DOK6: variants seen among roughly 807,000 people sequenced by gnomAD.
DOK6 encodes the protein docking protein 6, also known as downstream of tyrosine kinase 6.
A neutral mutation model predicts 44.0 loss-of-function variants in DOK6; 22 were observed. That is an observed-to-expected ratio of 0.50 (90% CI 0.36 to 0.71). DOK6 has a LOEUF of 0.71. Ranked by LOEUF, DOK6 falls within the 30% of genes least tolerant of loss-of-function variation. The probability of loss-of-function intolerance (pLI) is 0.00; values close to 1 mark genes in which losing one functional copy is unlikely to be tolerated. For missense variants in DOK6, 340 were observed against 416.4 expected, an observed-to-expected ratio of 0.82 and a Z score of 1.60; for synonymous variants, 166 against 145.5, an observed-to-expected ratio of 1.14 and a Z score of -1.01.
intron 1 of DOK6, among the ~76,000 whole-genome samples, chr18:69,463,328 A>G (rs1046428598): frequency 2.6e-5 from 4 of 151,656 alleles, no homozygotes; most frequent in African/African-American, 9.7e-5. Flanking sequence ...CAATCTTGGG[A>G]GAACACCAAA....
chr18:69,812,662 C>T (rs1249747889), intron 7 of DOK6, among the ~76,000 whole-genome samples: 2 of 152,118 alleles, frequency 1.3e-5, no homozygotes, highest in South Asian at 2.1e-4. Flanking sequence ...TTCATTCTCA[C>T]ACTGCTAAAA....
intron 1 of DOK6, among the ~76,000 whole-genome samples, chr18:69,549,013 T>G (rs1266697720): frequency 6.7e-6 from 1 of 149,250 alleles, no homozygotes; most frequent in Non-Finnish European, 1.5e-5. Flanking sequence ...GAGAATGGCG[T>G]GAACCCCGGG....
chr18:69,678,188 G>T (rs1029850137), intron 4 of DOK6, among the ~76,000 whole-genome samples: 38 of 152,208 alleles, frequency 2.5e-4, no homozygotes, highest in African/African-American at 8.9e-4. Context: ...GGCAGAGGTT[G>T]CAATGAGCCA....
intron 1 of DOK6, among the ~76,000 whole-genome samples, chr18:69,409,059 T>C (rs772730504): frequency 4.6e-5 from 7 of 152,076 alleles, no homozygotes; most frequent in Non-Finnish European, 8.8e-5. Flanking sequence ...GGGAGGTAAC[T>C]GAATCATGGG....
intron 2 of DOK6, among the ~76,000 whole-genome samples, chr18:69,570,569 AATTTACAG>A (rs1983090646): frequency 6.6e-6 from 1 of 152,190 alleles, no homozygotes; most frequent in Non-Finnish European, 1.5e-5. Context: ...GAAAGACATG[AATTTACAG>A]ATTTAATAAA....
At chr18:69,779,432 C>A (rs1455966000) in intron 7 of DOK6, among the ~76,000 whole-genome samples, 2 of 143,812 alleles carry the variant, frequency 1.4e-5, no homozygotes, top group East Asian at 4.2e-4. Flanking sequence ...CCCTACACAG[C>A]TTTATGGCAC....
At chr18:69,526,000 G>A (rs1219041638) in intron 1 of DOK6, among the ~76,000 whole-genome samples, 1 of 151,998 alleles carries the variant, frequency 6.6e-6, no homozygotes, top group Non-Finnish European at 1.5e-5. Flanking sequence ...AAGCCAGTAT[G>A]TATATAAATA....
At chr18:69,554,061 A>G (rs1568294872) in intron 1 of DOK6, among the ~76,000 whole-genome samples, 1 of 152,192 alleles carries the variant, frequency 6.6e-6, no homozygotes, top group Non-Finnish European at 1.5e-5. Flanking sequence ...AAAACCAAAA[A>G]TGGGTCGCAT....
At position 69,417,757 on chromosome 18, in the gene DOK6, T is replaced by G. The variant is rs556644602; in HGVS notation, c.66+16447T>G. ...TCTTCTTAATAGTAGCCATTCTAATTGGGGTGAGATAATATCTCATTGTGG... is the reference window on the plus strand; with the variant it reads ...TCTTCTTAATAGTAGCCATTCTAATGGGGGTGAGATAATATCTCATTGTGG... On this transcript the variant is annotated intron_variant, in intron 1 of 7. Coordinates refer to ENST00000382713, the MANE Select transcript of DOK6 (RefSeq NM_152721.6). Among the ~76,000 whole-genome samples, 542 of 152,286 alleles carry G rather than the reference T, an allele frequency of 3.6e-3. 3 individuals are homozygous for G. Among genetic ancestry groups the G allele is most frequent in the Non-Finnish European group, 6.1e-3 (416 of 68,008 alleles).
chr18:69,837,225 G>C (rs1175662920), intron 7 of DOK6, among the ~76,000 whole-genome samples: 1 of 152,106 alleles, frequency 6.6e-6, no homozygotes, highest in Non-Finnish European at 1.5e-5. Flanking sequence ...CTGGAGACCG[G>C]GAAGTCCAAT....
chr18:69,610,645 T>G (rs1041879659), intron 3 of DOK6, among the ~76,000 whole-genome samples: 2 of 152,110 alleles, frequency 1.3e-5, no homozygotes, highest in African/African-American at 4.8e-5. Flanking sequence ...ACTGCATCTG[T>G]GGAGTCAACC....
chr18:69,429,699 C>T (rs1268444669), intron 1 of DOK6, among the ~76,000 whole-genome samples: 4 of 137,318 alleles, frequency 2.9e-5, no homozygotes, highest in Admixed American at 7.7e-5. Flanking sequence ...CCTTTTCTTC[C>T]GTACCACCTC....
At chr18:69,514,843 T>A (rs2364207) in intron 1 of DOK6, among the ~76,000 whole-genome samples, 1,105 of 91,142 alleles carry the variant, frequency 0.012, 8 homozygotes, top group African/African-American at 0.033. Context: ...ATATATATTT[T>A]TTTTTTTTGA....
At chr18:69,502,336 C>G (rs1981071039) in intron 1 of DOK6, among the ~76,000 whole-genome samples, 1 of 151,856 alleles carries the variant, frequency 6.6e-6, no homozygotes, top group Non-Finnish European at 1.5e-5. Flanking sequence ...GAGGGTAATT[C>G]AAGAAAATAC....
chr18:69,659,962 T>TATATATATAACATATATGTATGTTTTA (rs1985480356), intron 3 of DOK6: 1 of 66,838 alleles, frequency 1.5e-5, no homozygotes, highest in African/African-American at 4.3e-5. Flanking sequence ...TATGTATGTT[T>TATATATATAACATATATGTATGTTTTA]TATATATATA....
chr18:69,577,340 G>A (rs1983262856), intron 2 of DOK6, among the ~76,000 whole-genome samples: 1 of 152,098 alleles, frequency 6.6e-6, no homozygotes, highest in Non-Finnish European at 1.5e-5. Flanking sequence ...GCTGTTAAAG[G>A]GCTTGGTGTC....
chr18:69,569,302 G>T (rs1983059584), intron 2 of DOK6, among the ~76,000 whole-genome samples: 1 of 152,174 alleles, frequency 6.6e-6, no homozygotes, highest in South Asian at 2.1e-4. Context: ...TTATGAAGTG[G>T]CAAATTGAAA....
chr18:69,579,720 C>G (rs572970687), intron 2 of DOK6, among the ~76,000 whole-genome samples: 1 of 152,082 alleles, frequency 6.6e-6, no homozygotes, highest in African/African-American at 2.4e-5. Flanking sequence ...CCCACCACCA[C>G]GCCCAGCTAA....
intron 1 of DOK6, among the ~76,000 whole-genome samples, chr18:69,448,542 T>G (rs1979362485): frequency 6.6e-6 from 1 of 152,004 alleles, no homozygotes; most frequent in Non-Finnish European, 1.5e-5. Context: ...CAGCTAATGT[T>G]TTTGTATTTT....
Sources: allele counts gnomAD v4.1 joint callset (sites outside exome capture counted in the v4.1 genomes callset), GRCh38; gene constraint gnomAD v4.1.1; transcripts MANE v1.5; gene names NCBI Gene and HGNC (gene_info 2026-07-23, HGNC 2026-07-21).